ZMIZ1: variants seen among roughly 807,000 people sequenced by gnomAD.
ZMIZ1 encodes zinc finger MIZ-type containing 1.
A neutral mutation model predicts 113.9 loss-of-function variants in ZMIZ1; 17 were observed. That is an observed-to-expected ratio of 0.15 (90% confidence interval 0.10 to 0.22). The LOEUF (loss-of-function observed/expected upper bound fraction) is 0.22. Among genes scored for constraint, ZMIZ1 ranks in the 10% least tolerant of loss-of-function variants. The pLI is 1.00. For missense variants in ZMIZ1, 1,059 were observed against 1,477.8 expected, an observed-to-expected ratio of 0.72 and a Z score of 4.65; for synonymous variants, 607 against 603.1, an observed-to-expected ratio of 1.01 and a Z score of -0.09.
At chr10:79,209,243 G>T (rs1848450318) in intron 6 of ZMIZ1, among the ~76,000 whole-genome samples, 2 of 152,138 alleles carry the variant, frequency 1.3e-5, no homozygotes, top group African/African-American at 2.4e-5. Flanking sequence ...TGGGGCACAT[G>T]GAACAGCATC....
chr10:79,112,417 T>G (rs1843783102), intron 1 of ZMIZ1, among the ~76,000 whole-genome samples: 3 of 152,138 alleles, frequency 2.0e-5, no homozygotes, highest in Non-Finnish European at 4.4e-5. Context: ...TCAGACCCAC[T>G]CGGCTCCATC....
At chr10:79,286,739 A>G (rs1263520538) in intron 8 of ZMIZ1, among the ~76,000 whole-genome samples, 1 of 152,240 alleles carries the variant, frequency 6.6e-6, no homozygotes, top group Non-Finnish European at 1.5e-5. Flanking sequence ...TCCGCCCACA[A>G]GGCTCACCCA....
At chr10:79,133,160 T>C (rs1481671769) in intron 2 of ZMIZ1, among the ~76,000 whole-genome samples, 1 of 152,190 alleles carries the variant, frequency 6.6e-6, no homozygotes, top group Non-Finnish European at 1.5e-5. Context: ...TTTCCTGCAG[T>C]CACATGATGC....
chr10:79,305,954 C>A, intron 21 of ZMIZ1, 146 bp from the exon 22 acceptor site: 2 of 1,309,386 alleles, frequency 1.5e-6, no homozygotes, highest in Non-Finnish European at 2.0e-6. Context: ...GAAATCCCTG[C>A]CAGGCTTCCG....
Position 79,311,029 on chromosome 10 carries a change from GCTCCTC to G in ZMIZ1, c.2953_2958del (p.Pro985_Pro986del), listed in dbSNP as rs759108983. The G allele has an allele frequency of 6.2e-7, 1 of 1,613,564 alleles. No individual in the cohort carries two copies. The stretch of plus-strand genomic sequence containing the variant: ...AGGGCCTCCATTACATCACAGTGGG[GCTCCTC>G]CTCCTCCTCCTTCCCAGCCTCCCCG... On this transcript the variant is annotated inframe_deletion, in exon 24 of 25. Transcript: ENST00000334512.
chr10:79,171,541 G>C (rs968329373), intron 4 of ZMIZ1, among the ~76,000 whole-genome samples: 4 of 152,196 alleles, frequency 2.6e-5, no homozygotes, highest in African/African-American at 9.7e-5. Context: ...TATTTGTGTG[G>C]GTCTGTGCTC....
intron 8 of ZMIZ1, among the ~76,000 whole-genome samples, chr10:79,285,797 A>C (rs1286286114): frequency 6.6e-6 from 1 of 152,266 alleles, no homozygotes; most frequent in South Asian, 2.1e-4. Context: ...AGGAATGCGA[A>C]GAGCCAGTGG....
chr10:79,299,222 G>A (rs777852982), intron 16 of ZMIZ1, 31 bp downstream of exon 16: 11 of 1,583,570 alleles, frequency 6.9e-6, no homozygotes, highest in Non-Finnish European at 8.6e-7. Flanking sequence ...GCCAGCCCAG[G>A]CGGGATGAAG....
intron 10 of ZMIZ1, 38 bp downstream of exon 10, chr10:79,291,214 C>T: frequency 1.3e-6 from 2 of 1,554,342 alleles, no homozygotes; most frequent in Non-Finnish European, 1.7e-6. Flanking sequence ...CCATGGACGC[C>T]ACCCCTCTTC....
At chr10:79,277,485 G>A (rs1319686075) in intron 8 of ZMIZ1, among the ~76,000 whole-genome samples, 160 bp downstream of exon 8, 2 of 152,208 alleles carry the variant, frequency 1.3e-5, no homozygotes, top group Admixed American at 1.3e-4. Context: ...GGTGAGCCCT[G>A]TTTCTCCCTC....
chr10:79,287,905 T>C (rs1853191583), intron 8 of ZMIZ1, among the ~76,000 whole-genome samples: 2 of 152,058 alleles, frequency 1.3e-5, no homozygotes, highest in African/African-American at 2.4e-5. Context: ...CAAAAAAATA[T>C]ATAATTAGGA....
rs191334549 is a variant in ZMIZ1, at chr10:79,196,563, C to T, written c.-49-5021C>T. On this transcript the variant is annotated intron_variant, in intron 4 of 24. Coordinates refer to ENST00000334512, the MANE Select transcript of ZMIZ1 (RefSeq NM_020338.4). ...TCCAGCCGCCGGCCTCCAGACAAGA[C>T]TGCCCGTGACCCCACGTGGGGCCAG... Among the ~76,000 whole-genome samples, 159 of 152,386 alleles carry T rather than the reference C, an allele frequency of 1.0e-3. 2 individuals carry two copies. The East Asian group carries it at 0.017, about 16-fold the overall frequency.
intron 18 of ZMIZ1, 23 bp downstream of exon 18, chr10:79,302,235 GTGAGGGCCAGACTCCATCCCCGCC>G: frequency 6.2e-7 from 1 of 1,605,674 alleles, no homozygotes; most frequent in Non-Finnish European, 8.5e-7. Context: ...GGGGACGGGG[GTGAGGGCCAGACTCCATCCCCGCC>G]TGAGTTTGGG....
At chr10:79,136,567 G>A (rs1182955140) in intron 2 of ZMIZ1, among the ~76,000 whole-genome samples, 2 of 152,258 alleles carry the variant, frequency 1.3e-5, no homozygotes, top group Non-Finnish European at 2.9e-5. Flanking sequence ...GGTCACTTGA[G>A]GGAGGTGGAG....
chr10:79,204,347 G>A (rs1848223545), intron 5 of ZMIZ1, among the ~76,000 whole-genome samples: 1 of 152,144 alleles, frequency 6.6e-6, no homozygotes, highest in Admixed American at 6.5e-5. Context: ...CTTGGTACTG[G>A]GAGAACCAGT....
At chr10:79,301,761 G>C (rs926270473) in intron 17 of ZMIZ1, among the ~76,000 whole-genome samples, 10 of 152,140 alleles carry the variant, frequency 6.6e-5, no homozygotes, top group African/African-American at 2.4e-4. Flanking sequence ...AGGCTTCCTG[G>C]AGGAGTGAAG....
At chr10:79,299,252 T>G in intron 16 of ZMIZ1, 61 bp downstream of exon 16, 1 of 1,548,936 alleles carries the variant, frequency 6.5e-7, no homozygotes, top group South Asian at 1.2e-5. Flanking sequence ...TGGGATGGCT[T>G]CCTTGGGCCC....
chr10:79,308,746 C>T (rs61851432), intron 23 of ZMIZ1, among the ~76,000 whole-genome samples: 5,280 of 152,210 alleles, frequency 0.035, 136 homozygotes, highest in Non-Finnish European at 0.054. Context: ...GATGCCCCTT[C>T]CTGGGCCCTG....
intron 4 of ZMIZ1, among the ~76,000 whole-genome samples, chr10:79,172,068 G>A (rs1347616284): frequency 6.6e-6 from 1 of 152,184 alleles, no homozygotes; most frequent in Non-Finnish European, 1.5e-5. Context: ...AGGTCAGGAA[G>A]CAGCAGGGAT....
Sources: allele counts gnomAD v4.1 joint callset (sites outside exome capture counted in the v4.1 genomes callset), GRCh38; gene constraint gnomAD v4.1.1; transcripts MANE v1.5; gene names NCBI Gene and HGNC (gene_info 2026-07-23, HGNC 2026-07-21).